ENPP6: variants seen among roughly 807,000 people sequenced by gnomAD.
The protein encoded by ENPP6 is ectonucleotide pyrophosphatase/phosphodiesterase 6.
ENPP6 carries 32 observed loss-of-function variants against 42.0 expected under a neutral mutation model. That is an observed-to-expected ratio of 0.76 (90% CI 0.58 to 1.02). The LOEUF (loss-of-function observed/expected upper bound fraction) is 1.02, where lower values mean the gene tolerates loss of function less well. Among genes scored for constraint, ENPP6 ranks in the 50% least tolerant of loss-of-function variants. The pLI is 0.00. For synonymous variants in ENPP6, 213 were observed against 216.0 expected (o/e 0.99, Z 0.12); for missense variants, 552 against 566.8 (o/e 0.97, Z 0.27).
rs1735925926 is a variant in ENPP6, at chr4:184,097,226, T to C, written c.1117+19A>G. On this transcript the variant is annotated intron_variant, in intron 7 of 7. Transcript: ENST00000296741. ...CTTGGGAATGGGGTCTGAGAGCATCTGGTCATTTCCTCGCCTACCAGGTCC... is the reference window on the plus strand; with the variant it reads ...CTTGGGAATGGGGTCTGAGAGCATCCGGTCATTTCCTCGCCTACCAGGTCC... 6.2e-7 allele frequency: 1 copy of C among 1,614,066 alleles called. No homozygotes were observed. The highest frequency in any genetic ancestry group is 8.5e-7 in the Non-Finnish European group (1 of 1,179,976).
intron 4 of ENPP6, 78 bp from the exon 5 acceptor site, chr4:184,117,113 T>C (rs566367211): frequency 5.8e-6 from 9 of 1,538,796 alleles, no homozygotes; most frequent in Non-Finnish European, 8.0e-6. Context: ...CAACTACAAA[T>C]GATAGGAGAA....
chr4:184,160,895 A>G (rs1370997972), intron 1 of ENPP6, among the ~76,000 whole-genome samples: 5 of 152,204 alleles, frequency 3.3e-5, no homozygotes, highest in Non-Finnish European at 7.3e-5. Flanking sequence ...TGAAATATTC[A>G]TGAGTTGGGT....
intron 2 of ENPP6, among the ~76,000 whole-genome samples, chr4:184,150,946 T>C (rs138656512): frequency 6.6e-6 from 1 of 152,260 alleles, no homozygotes; most frequent in East Asian, 1.9e-4. Flanking sequence ...CTTCTTATCC[T>C]GAAGGAGCTG....
At chr4:184,106,528 C>T (rs1275749037) in intron 6 of ENPP6, among the ~76,000 whole-genome samples, 1 of 152,116 alleles carries the variant, frequency 6.6e-6, no homozygotes, top group East Asian at 1.9e-4. Flanking sequence ...CCCATTCCCT[C>T]AGCCTGGAGA....
chr4:184,176,427 A>G (rs1205594793), intron 1 of ENPP6, among the ~76,000 whole-genome samples: 2 of 152,220 alleles, frequency 1.3e-5, no homozygotes, highest in East Asian at 3.8e-4. Flanking sequence ...GTTAAGTGTT[A>G]AATGGCTTGC....
chr4:184,164,835 C>G (rs1737323714), intron 1 of ENPP6, among the ~76,000 whole-genome samples: 1 of 152,174 alleles, frequency 6.6e-6, no homozygotes, highest in South Asian at 2.1e-4. Flanking sequence ...AAGTCTTACA[C>G]CACCAGGTAT....
intron 1 of ENPP6, among the ~76,000 whole-genome samples, chr4:184,164,072 T>A (rs1418171350): frequency 1.3e-5 from 2 of 152,166 alleles, no homozygotes; most frequent in Non-Finnish European, 2.9e-5. Context: ...CCTGTTCGCC[T>A]CTGGGAGATG....
At chr4:184,186,314 C>G (rs1732633851) in intron 1 of ENPP6, among the ~76,000 whole-genome samples, 1 of 152,096 alleles carries the variant, frequency 6.6e-6, no homozygotes, top group Admixed American at 6.5e-5. Context: ...AATCAAGACC[C>G]AAGAGACCAC....
intron 1 of ENPP6, among the ~76,000 whole-genome samples, chr4:184,181,586 G>A (rs1482476121): frequency 6.6e-6 from 1 of 152,138 alleles, no homozygotes; most frequent in Non-Finnish European, 1.5e-5. Flanking sequence ...AAAGCTGGAG[G>A]CATCATGCTA....
intron 1 of ENPP6, among the ~76,000 whole-genome samples, chr4:184,210,845 G>C (rs141712352): frequency 0.029 from 4,417 of 152,080 alleles, 167 homozygotes; most frequent in African/African-American, 0.075. Context: ...AAGAAAAGCT[G>C]TCCTCAGCAA....
chr4:184,113,920 T>C (rs1056513704), intron 5 of ENPP6, among the ~76,000 whole-genome samples: 3 of 136,502 alleles, frequency 2.2e-5, no homozygotes, highest in Non-Finnish European at 3.2e-5. Flanking sequence ...TCTTTCTTTC[T>C]TTCTTTCTTT....
At chr4:184,209,750 C>T (rs1177701442) in intron 1 of ENPP6, among the ~76,000 whole-genome samples, 5 of 147,442 alleles carry the variant, frequency 3.4e-5, no homozygotes, top group African/African-American at 1.0e-4. Context: ...ACAAAGATAC[C>T]CCTCGAGAAG....
At chr4:184,181,105 A>G (rs183794726) in intron 1 of ENPP6, among the ~76,000 whole-genome samples, 64 of 152,332 alleles carry the variant, frequency 4.2e-4, no homozygotes, top group Admixed American at 2.7e-3. Flanking sequence ...CTATATCTAG[A>G]AAACCCCATC....
intron 5 of ENPP6, among the ~76,000 whole-genome samples, chr4:184,114,892 C>T (rs566454577): frequency 6.6e-6 from 1 of 152,288 alleles, no homozygotes. Flanking sequence ...ACATATCCTG[C>T]ACCTGCAGTC....
At chr4:184,122,819 G>A (rs1179119381) in intron 3 of ENPP6, among the ~76,000 whole-genome samples, 1 of 152,214 alleles carries the variant, frequency 6.6e-6, no homozygotes, top group Admixed American at 6.5e-5. Context: ...GGCCTGTGGG[G>A]ATGGCTGGCA....
chr4:184,196,791 A>T (rs948600249), intron 1 of ENPP6, among the ~76,000 whole-genome samples: 1 of 152,166 alleles, frequency 6.6e-6, no homozygotes, highest in African/African-American at 2.4e-5. Flanking sequence ...GAAAAGGGAG[A>T]GGTGAAGAGA....
At chr4:184,130,090 G>A (rs547528243) in intron 2 of ENPP6, among the ~76,000 whole-genome samples, 78 of 152,320 alleles carry the variant, frequency 5.1e-4, no homozygotes, top group Non-Finnish European at 8.4e-4. Flanking sequence ...CTTAGGGTGG[G>A]AAGCTTTGCT....
intron 1 of ENPP6, among the ~76,000 whole-genome samples, chr4:184,160,659 G>T (rs1351318518): frequency 6.6e-6 from 1 of 151,702 alleles, no homozygotes; most frequent in East Asian, 1.9e-4. Flanking sequence ...AGTATTGGGG[G>T]AGAGTCACAC....
intron 6 of ENPP6, 66 bp from the exon 7 acceptor site, chr4:184,097,434 C>T (rs1383846580): frequency 5.0e-6 from 8 of 1,589,384 alleles, no homozygotes; most frequent in South Asian, 3.4e-5. Flanking sequence ...GGCATCTGCT[C>T]CAAGCCGCCA....
Sources: gnomAD v4.1 joint callset for allele counts (sites outside exome capture counted in the v4.1 genomes callset) on GRCh38, gnomAD v4.1.1 for gene constraint, MANE v1.5 for transcripts, NCBI Gene and HGNC (gene_info 2026-07-23, HGNC 2026-07-21) for gene names.